MAN2B2: variants seen among roughly 807,000 people sequenced by gnomAD.
MAN2B2 encodes the protein mannosidase alpha class 2B member 2.
A neutral mutation model predicts 117.1 loss-of-function variants in MAN2B2; 106 were observed. That is an observed-to-expected ratio of 0.90 (90% CI 0.77 to 1.06). MAN2B2 has a LOEUF of 1.06. Ranked by LOEUF, MAN2B2 falls within the 50% of genes least tolerant of loss-of-function variation. The pLI is 0.00. For missense variants in MAN2B2, 1,326 were observed against 1,381.4 expected, an observed-to-expected ratio of 0.96 and a Z score of 0.64; for synonymous variants, 544 against 595.1, an observed-to-expected ratio of 0.91 and a Z score of 1.25.
chr4:6,601,472 C>T (rs1051442562), intron 10 of MAN2B2, among the ~76,000 whole-genome samples: 1 of 151,486 alleles, frequency 6.6e-6, no homozygotes, highest in Admixed American at 6.6e-5. Context: ...TGCACTCCAG[C>T]CTGGGCAACA....
chr4:6,581,827 C>T (rs1019237768), intron 3 of MAN2B2, among the ~76,000 whole-genome samples: 2 of 151,916 alleles, frequency 1.3e-5, no homozygotes, highest in African/African-American at 4.8e-5. Flanking sequence ...CCTTTCCAGC[C>T]TTTACCTCCC....
intron 4 of MAN2B2, 131 bp downstream of exon 4, chr4:6,587,299 G>C (rs1482664744): frequency 1.8e-6 from 2 of 1,137,280 alleles, no homozygotes; most frequent in East Asian, 5.3e-5. Flanking sequence ...ATAGACCGCG[G>C]GGCTGTCCCC....
rs1726662865 is a variant in MAN2B2, at chr4:6,587,066, C to T, written c.462C>T (p.Gly154=). The T allele has an allele frequency of 1.9e-6, 3 of 1,614,048 alleles. No homozygotes were observed. The highest frequency in any genetic ancestry group is 1.1e-5 in the South Asian group (1 of 91,084). ...TCTCCTGGCACGTTGACCCGTTTGG[C>T]GCCTCTGCCACGACGCCCACCCTAT... The part of the protein sequence containing the change: ...PQFSWHVDPF[G]ASATTPTLFA... The change falls in exon 4 of 19, where the codon GGC becomes GGT. Residue 154 remains glycine, a synonymous_variant. Coordinates refer to ENST00000285599, the MANE Select transcript of MAN2B2 (RefSeq NM_015274.3).
At chr4:6,613,217 G>A (rs1313086753) in intron 15 of MAN2B2, among the ~76,000 whole-genome samples, 1 of 152,196 alleles carries the variant, frequency 6.6e-6, no homozygotes, top group East Asian at 1.9e-4. Flanking sequence ...AAGGAGTAGG[G>A]GCTGAGGTGC....
chr4:6,621,873 A>T lies in MAN2B2; in HGVS notation c.*588A>T, dbSNP rs941495182. On this transcript the variant is annotated 3_prime_UTR_variant, in exon 19 of 19. Coordinates refer to ENST00000285599, the MANE Select transcript of MAN2B2 (RefSeq NM_015274.3). The stretch of plus-strand genomic sequence containing the variant: ...GAAGGCACAGCAGCCGTCAGAGTCC[A>T]TGAGAGGTGAAACCACACAGCAGGG... 2 of 152,546 alleles carry T rather than the reference A, an allele frequency of 1.3e-5. No individual in the cohort carries two copies. Among genetic ancestry groups the T allele is most frequent in the Non-Finnish European group, 2.9e-5 (2 of 68,280 alleles). 9.4% of individuals were successfully genotyped at this position (152,546 alleles called of 1,614,324 possible).
intron 9 of MAN2B2, 70 bp from the exon 10 acceptor site, chr4:6,600,553 G>A (rs528884345): frequency 5.0e-5 from 79 of 1,570,438 alleles, no homozygotes; most frequent in Non-Finnish European, 6.5e-5. Flanking sequence ...ATACTGAGGT[G>A]CAGCCAGTGA....
chr4:6,602,712 C>T (rs1366001783), intron 10 of MAN2B2, among the ~76,000 whole-genome samples: 9 of 149,852 alleles, frequency 6.0e-5, no homozygotes, highest in Non-Finnish European at 1.0e-4. Flanking sequence ...CCCTGTCATG[C>T]AGGCTGGAGT....
chr4:6,585,313 C>T (rs557994489), intron 3 of MAN2B2, among the ~76,000 whole-genome samples: 1 of 152,182 alleles, frequency 6.6e-6, no homozygotes, highest in African/African-American at 2.4e-5. Flanking sequence ...CAGTGAAAGG[C>T]AGTTTGACTC....
rs112737635 is a variant in MAN2B2 at position 6,614,139 on chromosome 4, G to GT, written c.2564-78dup. ...AAGTGGCTGGCAGGGGCAGGGGCAT[G>GT]TAATGTGCAGAGCTCTGAGTGCCAG... On this transcript the variant is annotated intron_variant, in intron 15 of 18. Coordinates refer to ENST00000285599, the MANE Select transcript of MAN2B2 (RefSeq NM_015274.3). The GT allele has an allele frequency of 1.2e-4, 189 of 1,543,496 alleles. 2 individuals are homozygous for GT. The African/African-American group carries it at 2.1e-3, about 17-fold the overall frequency.
In MAN2B2 at chr4:6,594,667, C is replaced by T; in HGVS notation, c.992C>T (p.Ala331Val). Residue 331 changes from alanine to valine, a missense_variant, in exon 7 of 19, where the codon GCC (alanine) becomes GTC (valine). Transcript: ENST00000285599. ...QYATLGDYFR[A>V]LHALNVTWRV... Reference sequence around the variant, plus strand: ...GCCACGCTGGGCGACTACTTCCGTGCCCTGCACGCTCTCAATGTCACCTGG... The same window carrying T: ...GCCACGCTGGGCGACTACTTCCGTGTCCTGCACGCTCTCAATGTCACCTGG... 1 of 1,613,380 alleles carries T rather than the reference C, an allele frequency of 6.2e-7. No homozygotes were observed. The highest frequency in any genetic ancestry group is 8.5e-7 in the Non-Finnish European group (1 of 1,180,000).
At chr4:6,586,410 C>T (rs1311194643) in intron 3 of MAN2B2, among the ~76,000 whole-genome samples, 2 of 152,172 alleles carry the variant, frequency 1.3e-5, no homozygotes, top group Admixed American at 1.3e-4. Flanking sequence ...TCACCTTTAA[C>T]CTTTTATTGT....
chr4:6,605,869 A>G (rs1006312283), intron 11 of MAN2B2, among the ~76,000 whole-genome samples: 3 of 151,674 alleles, frequency 2.0e-5, no homozygotes, highest in African/African-American at 4.8e-5. Flanking sequence ...CCACCCACCT[A>G]TGTACCTACC....
At position 6,584,720 on chromosome 4, in the gene MAN2B2, C is replaced by T. The variant is rs571196784; in HGVS notation, c.392-2276C>T. Among the ~76,000 whole-genome samples, 13 of 152,344 alleles carry T rather than the reference C, an allele frequency of 8.5e-5. No homozygotes were observed. In the East Asian group the frequency reaches 2.5e-3, roughly 29 times the overall value. ...AGGAACTCGAGGCCTGGAGCCGGCT[C>T]AGCCTGATGGCCTCCCAGTTCATTA... On this transcript the variant is annotated intron_variant, in intron 3 of 18. Transcript: ENST00000285599.
At position 6,593,359 on chromosome 4, in the gene MAN2B2, G is replaced by C. The variant is rs754360924; in HGVS notation, c.858+9G>C. 1.2e-6 allele frequency: 2 copies of C among 1,609,218 alleles called. No individual in the cohort carries two copies. The highest frequency in any genetic ancestry group is 2.7e-5 in the African/African-American group (2 of 74,844). On this transcript the variant is annotated intron_variant, in intron 6 of 18. Coordinates refer to ENST00000285599, the MANE Select transcript of MAN2B2 (RefSeq NM_015274.3). ...ACGTCCTCTGGCCCTGGGTAAGGCAGAGTCCCAGGTGCTGTGCCCTCAACA... is the reference window on the plus strand; with the variant it reads ...ACGTCCTCTGGCCCTGGGTAAGGCACAGTCCCAGGTGCTGTGCCCTCAACA...
chr4:6,605,345 T>A lies in MAN2B2; in HGVS notation c.1814+16T>A. 1 of 1,594,908 alleles carries A rather than the reference T, an allele frequency of 6.3e-7. No homozygotes were observed. The highest frequency in any genetic ancestry group is 8.6e-7 in the Non-Finnish European group (1 of 1,167,182). On this transcript the variant is annotated intron_variant, in intron 11 of 18. Coordinates refer to ENST00000285599, the MANE Select transcript of MAN2B2 (RefSeq NM_015274.3). Reference sequence around the variant, plus strand: ...TCTGGGAGAGGTAAGGTGCAGCCATTGCTGTCTCTGAGGCACAGGCATGCC... The same window carrying A: ...TCTGGGAGAGGTAAGGTGCAGCCATAGCTGTCTCTGAGGCACAGGCATGCC...
rs1474893670 is a variant in MAN2B2, at chr4:6,577,091, C to G, written c.285+367C>G. The stretch of plus-strand genomic sequence containing the variant: ...TCATTTGTGTTATCTGCCTGGCCCC[C>G]GGGCCCAGGGTCTGGTGACCCTTGA... On this transcript the variant is annotated intron_variant, in intron 2 of 18. Coordinates refer to ENST00000285599, the MANE Select transcript of MAN2B2 (RefSeq NM_015274.3). Among the ~76,000 whole-genome samples, 3 of 152,136 alleles carry G rather than the reference C, an allele frequency of 2.0e-5. No individual in the cohort carries two copies. The East Asian group carries it at 5.8e-4, about 29-fold the overall frequency.
intron 15 of MAN2B2, among the ~76,000 whole-genome samples, chr4:6,613,820 GGAAGGAAGGAAAAAAGAGGGAGGGAGGAA>G (rs1476791233): frequency 7.8e-6 from 1 of 128,884 alleles, no homozygotes; most frequent in Non-Finnish European, 1.6e-5. Flanking sequence ...GAGGAAGGAA[GGAAGGAAGGAAAAAAGAGGGAGGGAGGAA>G]GAAGGAAGGA....
At chr4:6,586,052 G>GTTTT (rs1560639815) in intron 3 of MAN2B2, among the ~76,000 whole-genome samples, 1 of 149,168 alleles carries the variant, frequency 6.7e-6, no homozygotes, top group African/African-American at 2.5e-5. Context: ...CTTTTCTTGT[G>GTTTT]GTTTTTTTTT....
At chr4:6,603,455 C>T (rs979197089) in intron 10 of MAN2B2, among the ~76,000 whole-genome samples, 1 of 152,028 alleles carries the variant, frequency 6.6e-6, no homozygotes, top group Non-Finnish European at 1.5e-5. Context: ...GAGGGGCCCT[C>T]GGCTGGAACT....
Sources: gnomAD v4.1 joint callset for allele counts (sites outside exome capture counted in the v4.1 genomes callset) on GRCh38, gnomAD v4.1.1 for gene constraint, MANE v1.5 for transcripts, NCBI Gene and HGNC (gene_info 2026-07-23, HGNC 2026-07-21) for gene names.